Variants in STARD13 observed in about 807,000 individuals in gnomAD.
STARD13 encodes the protein stAR-related lipid transfer protein 13.
A neutral mutation model predicts 106.4 loss-of-function variants in STARD13; 62 were observed. That is an observed-to-expected ratio of 0.58 (90% CI 0.48 to 0.72). The LOEUF (loss-of-function observed/expected upper bound fraction) is 0.72, where lower values mean the gene tolerates loss of function less well. Among genes scored for constraint, STARD13 ranks in the 30% least tolerant of loss-of-function variants. The pLI, the probability that STARD13 is intolerant of heterozygous loss-of-function variation, is 0.00. For synonymous variants in STARD13, 565 were observed against 553.0 expected, an observed-to-expected ratio of 1.02 and a Z score of -0.31; for missense variants, 1,387 against 1,424.0, an observed-to-expected ratio of 0.97 and a Z score of 0.42.
At chr13:33,429,292 G>A in the STARD13 span, among the ~76,000 whole-genome samples, 1 of 150,730 alleles carries the variant, frequency 6.6e-6, no homozygotes, top group African/African-American at 2.5e-5. Flanking sequence ...ATCAACAGAT[G>A]GAGTAAAGAA....
At chr13:33,258,438 C>T (rs371572568) in intron 1 of STARD13, among the ~76,000 whole-genome samples, 2 of 150,752 alleles carry the variant, frequency 1.3e-5, no homozygotes, top group Non-Finnish European at 2.9e-5. Flanking sequence ...CAGAAACACA[C>T]AAGACACCAT....
intron 12 of STARD13, among the ~76,000 whole-genome samples, chr13:33,109,534 C>A (rs555680827): frequency 1.3e-5 from 2 of 152,322 alleles, no homozygotes; most frequent in East Asian, 1.9e-4. Flanking sequence ...CAGTCAGATC[C>A]ATTTGCATAA....
intron 4 of STARD13, among the ~76,000 whole-genome samples, chr13:33,136,411 C>A (rs1252251321): frequency 6.6e-6 from 1 of 152,208 alleles, no homozygotes; most frequent in South Asian, 2.1e-4. Context: ...TGAAACCCCA[C>A]CCTCAAGCCA....
At chr13:33,566,639 A>G in the STARD13 span, among the ~76,000 whole-genome samples, 1 of 148,434 alleles carries the variant, frequency 6.7e-6, no homozygotes, top group African/African-American at 2.5e-5. Flanking sequence ...GATCAAGGAC[A>G]CAGTGAATAG....
chr13:33,271,628 C>T (rs930848243), intron 1 of STARD13: 2 of 152,146 alleles, frequency 1.3e-5, no homozygotes, highest in African/African-American at 4.8e-5. Context: ...AATCCTGATG[C>T]CTTGGACATT....
At chr13:33,465,855 C>T in the STARD13 span, among the ~76,000 whole-genome samples, 1 of 151,942 alleles carries the variant, frequency 6.6e-6, no homozygotes, top group Non-Finnish European at 1.5e-5. Context: ...GGTATATTTC[C>T]TTAGAAATAT....
At chr13:33,462,806 T>A in the STARD13 span, among the ~76,000 whole-genome samples, 10 of 152,290 alleles carry the variant, frequency 6.6e-5, no homozygotes, top group African/African-American at 2.4e-4. Context: ...CCCACCCAGA[T>A]TGAGGGTGGG....
the STARD13 span, among the ~76,000 whole-genome samples, chr13:33,514,761 C>A: frequency 6.6e-6 from 1 of 152,010 alleles, no homozygotes; most frequent in Admixed American, 6.6e-5. Flanking sequence ...ACAGATGATA[C>A]CATGGATTCC....
chr13:33,506,668 C>G, the STARD13 span, among the ~76,000 whole-genome samples: 3 of 151,990 alleles, frequency 2.0e-5, no homozygotes, highest in Non-Finnish European at 4.4e-5. Flanking sequence ...AAGATACATT[C>G]GAAGGGCAAA....
At chr13:33,123,937 G>A (rs1399388556) in intron 7 of STARD13, among the ~76,000 whole-genome samples, 2 of 152,226 alleles carry the variant, frequency 1.3e-5, no homozygotes, top group Non-Finnish European at 2.9e-5. Context: ...GTTATTTGCG[G>A]ATGTTCTCGT....
chr13:33,575,258 G>A, the STARD13 span, among the ~76,000 whole-genome samples: 1 of 151,978 alleles, frequency 6.6e-6, no homozygotes, highest in Admixed American at 6.6e-5. Context: ...CCTCTAATAT[G>A]TAAAAATGAA....
intron 4 of STARD13, among the ~76,000 whole-genome samples, chr13:33,136,548 T>C (rs1047499143): frequency 6.6e-6 from 1 of 152,190 alleles, no homozygotes; most frequent in African/African-American, 2.4e-5. Flanking sequence ...TACCTACCTT[T>C]CCCTAATTGG....
At chr13:33,360,971 T>G in the STARD13 span, among the ~76,000 whole-genome samples, 24 of 148,876 alleles carry the variant, frequency 1.6e-4, no homozygotes, top group African/African-American at 5.7e-4. Flanking sequence ...AATTTTTTTT[T>G]TTTTTTTTGT....
At chr13:33,228,534 C>T (rs780937674) in intron 1 of STARD13, among the ~76,000 whole-genome samples, 6 of 151,794 alleles carry the variant, frequency 4.0e-5, no homozygotes, top group African/African-American at 1.5e-4. Context: ...GGACAACAGG[C>T]GACAGTGGAC....
intron 1 of STARD13, among the ~76,000 whole-genome samples, chr13:33,173,321 C>A (rs17078700): frequency 0.098 from 14,839 of 152,148 alleles, 840 homozygotes; most frequent in East Asian, 0.21. Flanking sequence ...ATTTCTTTGG[C>A]CATACATTAA....
At chr13:33,154,871 G>A (rs147128395) in intron 3 of STARD13, among the ~76,000 whole-genome samples, 366 of 152,290 alleles carry the variant, frequency 2.4e-3, no homozygotes, top group African/African-American at 8.3e-3. Context: ...AAGCAGCCGC[G>A]CGGGAACCGG....
intron 1 of STARD13, among the ~76,000 whole-genome samples, chr13:33,307,430 A>G (rs112136429): frequency 0.01 from 1,555 of 152,352 alleles, 29 homozygotes; most frequent in African/African-American, 0.035. Flanking sequence ...CAAGGTTACA[A>G]TGGATAAAGA....
At chr13:33,580,403 A>G in the STARD13 span, among the ~76,000 whole-genome samples, 4 of 152,024 alleles carry the variant, frequency 2.6e-5, no homozygotes, top group Non-Finnish European at 5.9e-5. Context: ...GGGAGGGGAG[A>G]AGGGATGAAT....
chr13:33,306,315 CA>C (rs1457763188), intron 1 of STARD13, among the ~76,000 whole-genome samples: 1 of 152,140 alleles, frequency 6.6e-6, no homozygotes, highest in Non-Finnish European at 1.5e-5. Context: ...ATATCTTATA[CA>C]AAAATTAACT....
Sources: gnomAD v4.1 joint callset for allele counts (sites outside exome capture counted in the v4.1 genomes callset) on GRCh38, gnomAD v4.1.1 for gene constraint, MANE v1.5 for transcripts, NCBI Gene and HGNC (gene_info 2026-07-23, HGNC 2026-07-21) for gene names.